The following ZNF500 variants were observed in gnomAD, a reference collection of about 807,000 sequenced individuals.
ZNF500 encodes the protein zinc finger protein 500, also known as zinc finger protein with KRAB and SCAN domains 18.
In ZNF500, 31 loss-of-function variants were observed where a neutral mutation model predicts 30.1. The observed-to-expected ratio is 1.03, with a 90% CI of 0.77 to 1.39. The LOEUF (loss-of-function observed/expected upper bound fraction) is 1.39. Ranked by LOEUF, ZNF500 falls within the 40% of genes most tolerant of loss-of-function variation. The pLI is 0.00. For synonymous variants in ZNF500, 392 were observed against 282.0 expected, an observed-to-expected ratio of 1.39 and a Z score of -3.91; for missense variants, 817 against 657.8, an observed-to-expected ratio of 1.24 and a Z score of -2.65.
At position 4,750,256 on chromosome 16, in the gene ZNF500, C is replaced by T. The variant is rs2082064738; in HGVS notation, c.*2120G>A. ...GCTAGTCTAGAAGGTAAAAGCCGTC[C>T]CTCAACCAGGCAGCCCCATTCTGCA... On this transcript the variant is annotated 3_prime_UTR_variant, in exon 6 of 6. Coordinates refer to ENST00000219478, the MANE Select transcript of ZNF500 (RefSeq NM_021646.4). 6.6e-6 allele frequency: 1 copy of T among 152,394 alleles called. No individual in the cohort carries two copies. 9.4% of individuals were successfully genotyped at this position (152,394 alleles called of 1,614,324 possible). A position where few individuals can be genotyped will look rare whatever the true frequency, so the allele number is the denominator to read the frequency against.
chr16:4,761,924 C>T (rs1019411652), intron 4 of ZNF500, among the ~76,000 whole-genome samples: 1 of 152,176 alleles, frequency 6.6e-6, no homozygotes, highest in Non-Finnish European at 1.5e-5. Context: ...AAAGGAGACT[C>T]CCATTCCAGC....
At chr16:4,764,454 C>T (rs7192396) in intron 2 of ZNF500, among the ~76,000 whole-genome samples, 88,663 of 151,124 alleles carry the variant, frequency 0.59, 27,463 homozygotes, top group East Asian at 0.7. Context: ...CCAGCCTGGG[C>T]GACAGAGAGA....
chr16:4,763,028 G>C, intron 2 of ZNF500: 1 of 985,408 alleles, frequency 1.0e-6, no homozygotes, highest in African/African-American at 1.7e-5. Context: ...CCCTGGGATA[G>C]ACCCTGGGCC....
At chr16:4,755,353 G>A (rs1272093594) in intron 5 of ZNF500, among the ~76,000 whole-genome samples, 1 of 152,038 alleles carries the variant, frequency 6.6e-6, no homozygotes, top group Non-Finnish European at 1.5e-5. Context: ...GTCTCGCTCT[G>A]TCTTCCAGGC....
downstream of ZNF500, chr16:4,746,123 T>C: frequency 7.2e-6 from 3 of 415,590 alleles, no homozygotes; most frequent in African/African-American, 2.0e-5. Context: ...CTTAGCCACT[T>C]GTGCCAAGTG....
rs1373301929 is a variant in ZNF500, at chr16:4,762,711, C to T, written c.460G>A (p.Gly154Arg). Residue 154 changes from glycine (G) to arginine (R), a missense_variant, in exon 3 of 6, where the codon GGA becomes AGA. By Grantham distance (125) the Gly-to-Arg change is moderately radical. Transcript: ENST00000219478. ...SDDEVPLGIG[G>R]QFLKHQAEAQ... is the part of the protein sequence containing the mutation. ...TCTGCCTGGTGTTTTAAGAACTGTC[C>T]CCCTATCCCGAGGGGCACCTCGTCA... 4 of 1,613,422 alleles carry T rather than the reference C, an allele frequency of 2.5e-6. No individual in the cohort carries two copies. Among genetic ancestry groups the T allele is most frequent in the East Asian group, 4.5e-5 (2 of 44,872 alleles).
At chr16:4,757,921 C>T (rs1216868843) in intron 5 of ZNF500, among the ~76,000 whole-genome samples, 2 of 120,576 alleles carry the variant, frequency 1.7e-5, no homozygotes, top group East Asian at 2.6e-4. Context: ...TTTTTTTTGA[C>T]ACAGAGTTTC....
intron 2 of ZNF500, 106 bp from the exon 3 acceptor site, chr16:4,762,862 C>T (rs542479939): frequency 1.4e-6 from 2 of 1,448,460 alleles, no homozygotes; most frequent in East Asian, 2.5e-5. Context: ...GGCTGCCCAC[C>T]CCCGGGCTGT....
In ZNF500 at chr16:4,751,746, C is replaced by A; in HGVS notation, c.*630G>T. ...GGACCCTAAACCCAGTGAGTGGTGG[C>A]CCTACCAAAAAAGAGACTGGGCATG... On this transcript the variant is annotated 3_prime_UTR_variant, in exon 6 of 6. Transcript: ENST00000219478. 8.8e-7 allele frequency: 1 copy of A among 1,137,928 alleles called. No individual in the cohort carries two copies. The allele number at this position is 1,137,928 out of a possible 1,614,324, so 70.5% of individuals were successfully genotyped here.
downstream of ZNF500, chr16:4,744,788 C>A (rs2081992224): frequency 2.7e-6 from 4 of 1,494,922 alleles, no homozygotes; most frequent in African/African-American, 4.1e-5. Flanking sequence ...GTGGAGACCC[C>A]AGGGGTCCTG....
intron 5 of ZNF500, chr16:4,756,537 C>G (rs1338550930): frequency 6.6e-6 from 1 of 151,634 alleles, no homozygotes; most frequent in African/African-American, 2.4e-5. Context: ...GACTCCATCT[C>G]TATCAAAAAA....
At chr16:4,753,370 G>T (rs746978762) in intron 5 of ZNF500, among the ~76,000 whole-genome samples, 3 of 152,230 alleles carry the variant, frequency 2.0e-5, no homozygotes, top group Non-Finnish European at 2.9e-5. Context: ...GCTGAGGTCG[G>T]AGGATCACTT....
intron 5 of ZNF500, among the ~76,000 whole-genome samples, chr16:4,759,215 A>C (rs78778281): frequency 8.6e-6 from 1 of 116,188 alleles, no homozygotes; most frequent in Non-Finnish European, 1.7e-5. Flanking sequence ...ACTTCATCTC[A>C]AAAAAAAAAA....
At chr16:4,744,347 C>T (rs1423911626), downstream of ZNF500, among the ~76,000 whole-genome samples, 1 of 152,128 alleles carries the variant, frequency 6.6e-6, no homozygotes, top group Non-Finnish European at 1.5e-5. Context: ...CTGTTTGCTG[C>T]AGTGTTGTTT....
At chr16:4,761,405 A>T (rs1435062248) in intron 4 of ZNF500, among the ~76,000 whole-genome samples, 11 of 151,166 alleles carry the variant, frequency 7.3e-5, no homozygotes, top group Admixed American at 7.3e-4. Context: ...GCACCATTGC[A>T]CTCCAGCCTG....
At chr16:4,759,094 A>G (rs544606706) in intron 5 of ZNF500, among the ~76,000 whole-genome samples, 390 of 912 alleles carry the variant, frequency 0.43, 2 homozygotes, top group African/African-American at 0.47. Context: ...CTGTAATCCC[A>G]GCTACTTTGG....
downstream of ZNF500, chr16:4,747,039 G>C: frequency 6.6e-7 from 1 of 1,516,054 alleles, no homozygotes; most frequent in Non-Finnish European, 8.8e-7. Context: ...ACCACCCAGG[G>C]GCCTCTCGCC....
downstream of ZNF500, chr16:4,745,133 C>A: frequency 7.7e-7 from 1 of 1,294,644 alleles, no homozygotes; most frequent in Admixed American, 2.2e-5. Context: ...CACTCTCAAG[C>A]ATCTGATCAG....
chr16:4,747,115 G>C, downstream of ZNF500: 2 of 1,333,786 alleles, frequency 1.5e-6, no homozygotes, highest in Non-Finnish European at 2.0e-6. Context: ...ACCGCCTGTG[G>C]TGAGGTCTTG....
Sources: gnomAD v4.1 joint callset for allele counts (sites outside exome capture counted in the v4.1 genomes callset) on GRCh38, gnomAD v4.1.1 for gene constraint, MANE v1.5 for transcripts, NCBI Gene and HGNC (gene_info 2026-07-23, HGNC 2026-07-21) for gene names.